DACT2: variants seen among roughly 807,000 people sequenced by gnomAD.
The protein encoded by DACT2 is dapper homolog 2.
DACT2 carries 20 observed loss-of-function variants against 22.2 expected under a neutral mutation model. The observed-to-expected ratio is 0.90, with a 90% CI of 0.63 to 1.31. The LOEUF (loss-of-function observed/expected upper bound fraction) is 1.31. DACT2 is among the 50% of genes most tolerant of loss of function. DACT2 has a pLI of 0.00. For synonymous variants in DACT2, 463 were observed against 479.8 expected (o/e 0.96, Z 0.46); for missense variants, 1,048 against 1,061.4 (o/e 0.99, Z 0.18).
intron 3 of DACT2, chr6:168,298,112 G>C (rs973303268): frequency 2.6e-5 from 4 of 152,208 alleles, no homozygotes; most frequent in African/African-American, 9.7e-5. Context: ...AAATGTAAAA[G>C]GATGCTTGGC....
intron 3 of DACT2, among the ~76,000 whole-genome samples, chr6:168,296,985 A>G (rs949370604): frequency 6.6e-6 from 1 of 152,234 alleles, no homozygotes; most frequent in Non-Finnish European, 1.5e-5. Context: ...GGAAAAGGGT[A>G]TGTAGAGGTT....
intron 1 of DACT2, among the ~76,000 whole-genome samples, chr6:168,311,574 A>ACT (rs1562498488): frequency 2.0e-4 from 28 of 141,828 alleles, no homozygotes; most frequent in East Asian, 4.1e-4. Context: ...ACACAAACAC[A>ACT]CACACCCATC....
downstream of DACT2, among the ~76,000 whole-genome samples, chr6:168,306,701 T>C (rs578200428): frequency 0.074 from 11,224 of 152,140 alleles, 448 homozygotes; most frequent in Middle Eastern, 0.088. Flanking sequence ...CCACCCGCCT[T>C]GTCTTCCCAA....
intron 3 of DACT2, among the ~76,000 whole-genome samples, chr6:168,301,626 G>A (rs60430523): frequency 0.012 from 1,753 of 152,250 alleles, 33 homozygotes; most frequent in African/African-American, 0.04. Flanking sequence ...GGCGAGATAC[G>A]CCCCCAGGAT....
chr6:168,313,338 C>G (rs1005032536), intron 1 of DACT2, among the ~76,000 whole-genome samples: 2 of 152,338 alleles, frequency 1.3e-5, no homozygotes, highest in Admixed American at 1.3e-4. Flanking sequence ...CCACCGCGCC[C>G]GGCCTCTGAA....
At chr6:168,297,713 GA>G in intron 3 of DACT2, among the ~76,000 whole-genome samples, 1 of 152,120 alleles carries the variant, frequency 6.6e-6, no homozygotes, top group East Asian at 1.9e-4. Flanking sequence ...TATCTATACA[GA>G]GAGAGTCTTG....
At chr6:168,297,733 G>C (rs1779031662) in intron 3 of DACT2, among the ~76,000 whole-genome samples, 1 of 152,250 alleles carries the variant, frequency 6.6e-6, no homozygotes, top group African/African-American at 2.4e-5. Flanking sequence ...TGCTTGCGTG[G>C]ACAGAAAGAC....
At position 168,312,493 on chromosome 6, in the gene DACT2, G is replaced by T. The variant is rs1238751054; in HGVS notation, c.247-1209C>A. 3.3e-5 allele frequency among the ~76,000 whole-genome samples: 5 copies of T among 152,342 alleles called. No homozygotes were observed. In the East Asian group the frequency reaches 9.7e-4, roughly 29 times the overall value. Reference sequence around the variant, plus strand: ...ATTACAGGCATGTGCCTGGCCAAGGGACTGTGTATTTAGAAGTTTCCATCA... The same window carrying T: ...ATTACAGGCATGTGCCTGGCCAAGGTACTGTGTATTTAGAAGTTTCCATCA... On this transcript the variant is annotated intron_variant, in intron 1 of 3. Coordinates refer to ENST00000366795, the MANE Select transcript of DACT2 (RefSeq NM_214462.5).
Position 168,307,998 on chromosome 6 carries a change from C to G in DACT2, c.1759G>C (p.Ala587Pro), listed in dbSNP as rs868455901. The stretch of plus-strand genomic sequence containing the variant: ...GCCTCAAAGGGGAACAGGGCTTGGG[C>G]TGAGGTCCGGTGGCTCTCCTGCGGG... ...VAPQESHRTS[A>P]QALFPFEASL... Residue 587 changes from alanine (A) to proline (P), a missense_variant, in exon 4 of 4, where the codon GCC (alanine) becomes CCC (proline). By Grantham distance (27) the Ala-to-Pro change is conservative (BLOSUM62 -1). Coordinates refer to ENST00000366795, the MANE Select transcript of DACT2 (RefSeq NM_214462.5). The surrounding 1 kb of genome is among the most constrained non-coding windows in gnomAD (Gnocchi z 5.3). The G allele has an allele frequency of 6.4e-7, 1 of 1,550,830 alleles. No individual in the cohort carries two copies. Among genetic ancestry groups the G allele is most frequent in the Non-Finnish European group, 8.7e-7 (1 of 1,146,734 alleles).
intron 1 of DACT2, among the ~76,000 whole-genome samples, chr6:168,319,126 C>T (rs1008481367): frequency 1.3e-5 from 2 of 152,168 alleles, no homozygotes; most frequent in Non-Finnish European, 2.9e-5. Context: ...TGGGTAGGCG[C>T]ACATCCACGC....
Position 168,307,294 on chromosome 6 carries a change from GC to G in DACT2, c.*137del. ...ATACTCCACAGGGCAGAACCCATCT[GC>G]GGGGACTCCTGTTAAACGGTGGCCT... is the stretch of plus-strand genomic sequence containing the variant. On this transcript the variant is annotated 3_prime_UTR_variant, in exon 4 of 4. Transcript: ENST00000366795. The surrounding 1 kb of genome is among the most constrained non-coding windows in gnomAD (Gnocchi z 5.3). 1 of 1,469,090 alleles carries G rather than the reference GC, an allele frequency of 6.8e-7. No individual in the cohort carries two copies. Among genetic ancestry groups the G allele is most frequent in the Non-Finnish European group, 9.0e-7 (1 of 1,111,874 alleles). The allele number at this position is 1,469,090 out of a possible 1,614,324, so 91.0% of individuals were successfully genotyped here. A position where few individuals can be genotyped will look rare whatever the true frequency, so the allele number is the denominator to read the frequency against.
chr6:168,296,194 C>A (rs10080979), intron 3 of DACT2, among the ~76,000 whole-genome samples: 1 of 144,792 alleles, frequency 6.9e-6, no homozygotes, highest in African/African-American at 2.7e-5. Context: ...CCATCCACAG[C>A]GGTGAGGAGA....
In DACT2 at chr6:168,308,823, C is replaced by A. The variant is rs939366648; in HGVS notation, c.934G>T (p.Ala312Ser). ...CCAGTCTGGATGGTGTTCAGACCTG[C>A]GGGGCCCCTGGGGCTCTCCCTAGGG... Reference protein sequence around the residue: ...SFPRESPRGPAGLNTIQTGPV... With the variant: ...SFPRESPRGPSGLNTIQTGPV... Residue 312 changes from alanine (A) to serine (S), a missense_variant, in exon 4 of 4, where the codon GCA (alanine) becomes TCA (serine). Coordinates refer to ENST00000366795, the MANE Select transcript of DACT2 (RefSeq NM_214462.5). The A allele has an allele frequency of 6.4e-7, 1 of 1,551,324 alleles. No homozygotes were observed. The highest frequency in any genetic ancestry group is 2.4e-5 in the East Asian group (1 of 40,904).
In DACT2 at chr6:168,308,820, C is replaced by A. The variant is rs1326656997; in HGVS notation, c.937G>T (p.Gly313Cys). The A allele has an allele frequency of 1.3e-6, 2 of 1,551,332 alleles. No homozygotes were observed. Among genetic ancestry groups the A allele is most frequent in the Non-Finnish European group, 1.7e-6 (2 of 1,146,972 alleles). The change falls in exon 4 of 4, where the codon GGT becomes TGT. Residue 313 changes from glycine to cysteine, a missense_variant. Gly to Cys is a radical substitution (Grantham distance 159). Transcript: ENST00000366795. ...GGCCCAGTCTGGATGGTGTTCAGAC[C>A]TGCGGGGCCCCTGGGGCTCTCCCTA... ...FPRESPRGPA[G>C]LNTIQTGPVL...
chr6:168,297,539 G>A (rs73789347), intron 3 of DACT2, among the ~76,000 whole-genome samples: 3,026 of 152,280 alleles, frequency 0.02, 110 homozygotes, highest in African/African-American at 0.068. Context: ...TAGAACCTCC[G>A]GGAGTCAGCC....
In DACT2 at chr6:168,319,622, C is replaced by T; in HGVS notation, c.12G>A (p.Pro4=). ...AGCCCGCGGACCCCGGGGGTCCGCC[C>T]GGCGTCCACATCTCCCGGGCAGGGT... MWT[P]GGPPGSAGWD... Residue 4 remains proline (P), a synonymous_variant, in exon 1 of 4, where the codon CCG becomes CCA. Coordinates refer to ENST00000366795, the MANE Select transcript of DACT2 (RefSeq NM_214462.5). The T allele has an allele frequency of 4.6e-6, 6 of 1,299,680 alleles. No homozygotes were observed. The highest frequency in any genetic ancestry group is 4.0e-5 in the South Asian group (2 of 49,454). The allele number at this position is 1,299,680 out of a possible 1,614,324, so 80.5% of individuals were successfully genotyped here.
intron 1 of DACT2, among the ~76,000 whole-genome samples, chr6:168,312,148 A>G (rs533564135): frequency 6.6e-6 from 1 of 152,332 alleles, no homozygotes; most frequent in Middle Eastern, 3.4e-3. Context: ...AACATGGAAA[A>G]TGTCAGCTTT....
chr6:168,311,588 A>T (rs1401387112), intron 1 of DACT2, among the ~76,000 whole-genome samples: 32 of 52,832 alleles, frequency 6.1e-4, no homozygotes, highest in South Asian at 3.4e-3. Context: ...ACCCATCCAC[A>T]CACACACATA....
intron 3 of DACT2, among the ~76,000 whole-genome samples, chr6:168,295,639 T>G (rs1289079842): frequency 6.6e-6 from 1 of 152,238 alleles, no homozygotes; most frequent in Non-Finnish European, 1.5e-5. Context: ...TGAAGACTTG[T>G]TATGAAGATC....
Sources: allele counts gnomAD v4.1 joint callset (sites outside exome capture counted in the v4.1 genomes callset), GRCh38; gene constraint gnomAD v4.1.1; non-coding constraint Gnocchi (gnomAD v3.1); transcripts MANE v1.5; gene names NCBI Gene and HGNC (gene_info 2026-07-23, HGNC 2026-07-21).